Variants in VAV3 observed in about 807,000 individuals in gnomAD.
VAV3 encodes guanine nucleotide exchange factor VAV3.
VAV3 carries 94 observed loss-of-function variants against 131.2 expected under a neutral mutation model. The observed-to-expected ratio is 0.72, with a 90% CI of 0.61 to 0.85. The LOEUF is 0.85. VAV3 is among the 40% of genes least tolerant of loss of function. VAV3 has a pLI of 0.00. For missense variants in VAV3, 939 were observed against 1,002.7 expected, an observed-to-expected ratio of 0.94 and a Z score of 0.86; for synonymous variants, 349 against 342.0, an observed-to-expected ratio of 1.02 and a Z score of -0.22.
chr1:107,607,439 A>T (rs1652371711), intron 22 of VAV3, among the ~76,000 whole-genome samples: 1 of 152,182 alleles, frequency 6.6e-6, no homozygotes, highest in African/African-American at 2.4e-5. Context: ...GCTACACAAG[A>T]GAACTGGAGA....
chr1:107,860,352 T>TTTTA (rs1553221662), intron 2 of VAV3, among the ~76,000 whole-genome samples: 1 of 151,836 alleles, frequency 6.6e-6, no homozygotes, highest in Admixed American at 6.6e-5. Context: ...GAGCGGTGAT[T>TTTTA]GTAGTAGTTT....
chr1:107,669,363 G>T, intron 19 of VAV3: 1 of 1,289,680 alleles, frequency 7.8e-7, no homozygotes, highest in African/African-American at 1.5e-5. Flanking sequence ...AAACCTCAAG[G>T]CTGCATTTTC....
chr1:107,798,093 A>G (rs12120862), intron 2 of VAV3, among the ~76,000 whole-genome samples: 15,365 of 152,306 alleles, frequency 0.1, 895 homozygotes, highest in Non-Finnish European at 0.13. Flanking sequence ...TTGACTTTAA[A>G]AAAATAAAGA....
At chr1:107,733,678 A>T (rs1218071102) in intron 15 of VAV3, among the ~76,000 whole-genome samples, 3 of 152,182 alleles carry the variant, frequency 2.0e-5, no homozygotes, top group African/African-American at 7.2e-5. Flanking sequence ...AAGCGAGAAG[A>T]GAAGTTTAGA....
chr1:107,829,652 A>C (rs1337908409), intron 2 of VAV3, among the ~76,000 whole-genome samples: 1 of 152,226 alleles, frequency 6.6e-6, no homozygotes, highest in Non-Finnish European at 1.5e-5. Context: ...AGCTTAACAA[A>C]GTTGACTTTA....
intron 12 of VAV3, among the ~76,000 whole-genome samples, chr1:107,751,658 G>A (rs1180534442): frequency 6.6e-6 from 1 of 150,542 alleles, no homozygotes; most frequent in East Asian, 2.0e-4. Flanking sequence ...TTGCCATGAA[G>A]GAGTACAGAA....
At chr1:107,945,082 A>T (rs191553081) in intron 1 of VAV3, among the ~76,000 whole-genome samples, 68 of 152,298 alleles carry the variant, frequency 4.5e-4, no homozygotes, top group Non-Finnish European at 8.5e-4. Context: ...ATTTGGCTCA[A>T]GATGATTCTA....
chr1:107,796,804 A>AATAT (rs1553210389), intron 2 of VAV3, among the ~76,000 whole-genome samples: 6 of 144,442 alleles, frequency 4.2e-5, no homozygotes, highest in Admixed American at 1.4e-4. Flanking sequence ...AAAAAAAAAA[A>AATAT]ATATATATAT....
At chr1:107,888,965 G>C (rs1571097739) in intron 1 of VAV3, among the ~76,000 whole-genome samples, 1 of 152,052 alleles carries the variant, frequency 6.6e-6, no homozygotes, top group Non-Finnish European at 1.5e-5. Context: ...GCGGCTTAGA[G>C]AAGGTAAGTA....
intron 2 of VAV3, among the ~76,000 whole-genome samples, chr1:107,852,263 C>T (rs1669263954): frequency 6.6e-6 from 1 of 152,120 alleles, no homozygotes; most frequent in Non-Finnish European, 1.5e-5. Flanking sequence ...TAATTCTCAA[C>T]CTTCCAAAAA....
Position 107,895,036 on chromosome 1 carries a change from A to G in VAV3, c.205-20019T>C, listed in dbSNP as rs546378509. ...CCCATGAAGTCTGTTGCCCACCCAA[A>G]TGCTTAATGAGAGAAGCTGGGGGAA... On this transcript the variant is annotated intron_variant, in intron 1 of 26. Transcript: ENST00000370056. Among the ~76,000 whole-genome samples, 21 of 152,248 alleles carry G rather than the reference A, an allele frequency of 1.4e-4. No homozygotes were observed. In the South Asian group the frequency reaches 4.4e-3, roughly 32 times the overall value.
chr1:107,688,325 T>A, intron 18 of VAV3, 56 bp downstream of exon 18: 1 of 1,587,610 alleles, frequency 6.3e-7, no homozygotes. Flanking sequence ...CTGGTTAAGT[T>A]AGCAAACAAC....
intron 19 of VAV3, among the ~76,000 whole-genome samples, chr1:107,650,024 A>C (rs529555541): frequency 1.3e-5 from 2 of 152,196 alleles, no homozygotes; most frequent in South Asian, 4.1e-4. Flanking sequence ...AGGGTAGGCC[A>C]TCAGGTCAGG....
intron 19 of VAV3, among the ~76,000 whole-genome samples, chr1:107,674,387 G>A (rs2101691604): frequency 6.6e-6 from 1 of 152,172 alleles, no homozygotes; most frequent in Admixed American, 6.5e-5. Flanking sequence ...AAATACTGTA[G>A]CAATTTCAGA....
At chr1:107,745,383 C>CA (rs1257704023) in intron 15 of VAV3, among the ~76,000 whole-genome samples, 240 of 143,782 alleles carry the variant, frequency 1.7e-3, no homozygotes, top group African/African-American at 4.8e-3. Flanking sequence ...CCACTTATCA[C>CA]AAAAAAAAAA....
intron 25 of VAV3, among the ~76,000 whole-genome samples, chr1:107,588,812 T>C (rs1650711689): frequency 6.6e-6 from 1 of 152,210 alleles, no homozygotes; most frequent in Admixed American, 6.6e-5. Context: ...AGTAAGAGTG[T>C]CCTGTTAATC....
intron 1 of VAV3, among the ~76,000 whole-genome samples, chr1:107,897,700 C>T (rs190945443): frequency 6.6e-5 from 10 of 152,034 alleles, no homozygotes; most frequent in African/African-American, 1.4e-4. Flanking sequence ...TCCTCAGAAC[C>T]GCTTATCTGA....
chr1:107,887,282 A>G (rs777328311), intron 1 of VAV3, among the ~76,000 whole-genome samples: 2 of 152,224 alleles, frequency 1.3e-5, no homozygotes, highest in Non-Finnish European at 2.9e-5. Flanking sequence ...AATGGCTTCA[A>G]TCACGGATTG....
intron 6 of VAV3, among the ~76,000 whole-genome samples, chr1:107,769,395 A>G (rs1431140661): frequency 6.6e-6 from 1 of 152,222 alleles, no homozygotes. Flanking sequence ...CTGTAACGCT[A>G]CATAGTGCTA....
Sources: gnomAD v4.1 joint callset for allele counts (sites outside exome capture counted in the v4.1 genomes callset) on GRCh38, gnomAD v4.1.1 for gene constraint, MANE v1.5 for transcripts, NCBI Gene and HGNC (gene_info 2026-07-23, HGNC 2026-07-21) for gene names.